RMND5A: variants seen among roughly 807,000 people sequenced by gnomAD.
The protein encoded by RMND5A is required for meiotic nuclear division 5 homolog A.
RMND5A carries 17 observed loss-of-function variants against 49.7 expected under a neutral mutation model. The observed-to-expected ratio is 0.34, with a 90% CI of 0.23 to 0.51. The LOEUF (loss-of-function observed/expected upper bound fraction) is 0.51. Ranked by LOEUF, RMND5A falls within the 20% of genes least tolerant of loss-of-function variation. RMND5A has a pLI of 0.96. For synonymous variants in RMND5A, 156 were observed against 167.7 expected (o/e 0.93, Z 0.54); for missense variants, 255 against 471.3 (o/e 0.54, Z 4.25).
At chr2:86,763,100 T>C (rs1422169839) in intron 4 of RMND5A, among the ~76,000 whole-genome samples, 1 of 152,156 alleles carries the variant, frequency 6.6e-6, no homozygotes, top group Non-Finnish European at 1.5e-5. Flanking sequence ...CACTATATCA[T>C]GAACATATTC....
intron 4 of RMND5A, among the ~76,000 whole-genome samples, chr2:86,763,113 A>G (rs1225191297): frequency 1.3e-5 from 2 of 152,176 alleles, no homozygotes; most frequent in African/African-American, 2.4e-5. Flanking sequence ...ACATATTCCT[A>G]TGAAAATGAG....
intron 3 of RMND5A, 78 bp downstream of exon 3, chr2:86,752,108 G>C (rs1681646065): frequency 7.4e-7 from 1 of 1,360,082 alleles, no homozygotes; most frequent in Non-Finnish European, 1.0e-6. Flanking sequence ...GCAGGGTGGG[G>C]TTTTGAGTCT....
chr2:86,777,371 G>T lies in RMND5A; in HGVS notation c.*3960G>T, dbSNP rs1295047882. Reference sequence around the variant, plus strand: ...TTTTTGGGAAGGGGCGGGAATGAATGTGTTGGGGCTGGGAGGGAAGCAGAA... The same window carrying T: ...TTTTTGGGAAGGGGCGGGAATGAATTTGTTGGGGCTGGGAGGGAAGCAGAA... On this transcript the variant is annotated 3_prime_UTR_variant, in exon 9 of 9. Coordinates refer to ENST00000283632, the MANE Select transcript of RMND5A (RefSeq NM_022780.4). 6.6e-6 allele frequency: 1 copy of T among 152,216 alleles called. No individual in the cohort carries two copies. The highest frequency in any genetic ancestry group is 1.5e-5 in the Non-Finnish European group (1 of 68,052). 9.4% of individuals were successfully genotyped at this position (152,216 alleles called of 1,614,324 possible).
chr2:86,746,647 G>T (rs1681542105), intron 2 of RMND5A, among the ~76,000 whole-genome samples: 1 of 152,228 alleles, frequency 6.6e-6, no homozygotes, highest in African/African-American at 2.4e-5. Context: ...CATCTCTAGT[G>T]CCCTGAGGGC....
intron 7 of RMND5A, 46 bp downstream of exon 7, chr2:86,770,171 A>G: frequency 8.1e-7 from 1 of 1,227,172 alleles, no homozygotes; most frequent in Non-Finnish European, 1.2e-6. Context: ...TGCCATTAGA[A>G]GAATATGGCA....
chr2:86,776,751 A>G lies in RMND5A; in HGVS notation c.*3340A>G, dbSNP rs915303022. The G allele has an allele frequency of 6.6e-6, 1 of 152,226 alleles. No individual in the cohort carries two copies. The highest frequency in any genetic ancestry group is 1.5e-5 in the Non-Finnish European group (1 of 68,050). 9.4% of individuals were successfully genotyped at this position (152,226 alleles called of 1,614,324 possible). ...CAGCCGACTCAGGTTATTTTCAGGG[A>G]AGGCATGGAGGCATAGTTTGGTTAG... is the stretch of plus-strand genomic sequence containing the variant. On this transcript the variant is annotated 3_prime_UTR_variant, in exon 9 of 9. Transcript: ENST00000283632.
At chr2:86,735,103 G>A (rs1382859583) in intron 1 of RMND5A, among the ~76,000 whole-genome samples, 1 of 152,100 alleles carries the variant, frequency 6.6e-6, no homozygotes, top group Non-Finnish European at 1.5e-5. Flanking sequence ...TTAATGACTG[G>A]ATAATCCATT....
chr2:86,768,388 A>G (rs1672634901), intron 6 of RMND5A, among the ~76,000 whole-genome samples: 1 of 152,172 alleles, frequency 6.6e-6, no homozygotes, highest in African/African-American at 2.4e-5. Context: ...GCTCCATCCT[A>G]GCGTAGGAGT....
At chr2:86,759,882 T>C (rs1485522934) in intron 4 of RMND5A, among the ~76,000 whole-genome samples, 3 of 152,124 alleles carry the variant, frequency 2.0e-5, no homozygotes, top group African/African-American at 7.2e-5. Flanking sequence ...CGAATTTCGT[T>C]TTCTTTGTAA....
rs1009761079 is a variant in RMND5A, at chr2:86,774,538, T to A, written c.*1127T>A. 6 of 152,686 alleles carry A rather than the reference T, an allele frequency of 3.9e-5. No individual in the cohort carries two copies. Among genetic ancestry groups the A allele is most frequent in the Non-Finnish European group, 8.8e-5 (6 of 68,048 alleles). The allele number at this position is 152,686 out of a possible 1,614,324, so 9.5% of individuals were successfully genotyped here. ...TTATTCTGATGGATACAGATAATGA[T>A]CTTTTCTCTTGTGAGGTATCTTCAT... is the stretch of plus-strand genomic sequence containing the variant. On this transcript the variant is annotated 3_prime_UTR_variant, in exon 9 of 9. Transcript: ENST00000283632.
chr2:86,754,149 A>G (rs949792255), intron 4 of RMND5A, among the ~76,000 whole-genome samples: 5 of 152,256 alleles, frequency 3.3e-5, no homozygotes, highest in Non-Finnish European at 4.4e-5. Context: ...GAAATATTTT[A>G]GGCTTTTCAT....
chr2:86,767,472 A>G (rs1183154737), intron 6 of RMND5A, among the ~76,000 whole-genome samples: 4 of 144,750 alleles, frequency 2.8e-5, no homozygotes, highest in Non-Finnish European at 4.5e-5. Context: ...TTTTTAAGAC[A>G]TTCTTGCTAT....
intron 2 of RMND5A, 122 bp from the exon 3 acceptor site, chr2:86,751,774 C>A: frequency 1.3e-6 from 1 of 784,022 alleles, no homozygotes; most frequent in Admixed American, 3.1e-5. Flanking sequence ...TCCTTTGGGA[C>A]GCTATAAATT....
intron 3 of RMND5A, among the ~76,000 whole-genome samples, chr2:86,752,341 G>T (rs994951391): frequency 3.3e-5 from 5 of 152,164 alleles, no homozygotes; most frequent in African/African-American, 4.8e-5. Flanking sequence ...GATATAGAAG[G>T]TTAGTATAGC....
At chr2:86,757,565 A>G (rs1383854243) in intron 4 of RMND5A, among the ~76,000 whole-genome samples, 2 of 152,182 alleles carry the variant, frequency 1.3e-5, no homozygotes, top group Admixed American at 6.6e-5. Context: ...TAGTAACTTA[A>G]TACAACGAGG....
chr2:86,764,651 T>G (rs1237917098), intron 4 of RMND5A, among the ~76,000 whole-genome samples: 2 of 152,220 alleles, frequency 1.3e-5, no homozygotes, highest in African/African-American at 4.8e-5. Flanking sequence ...GGATCTTTGA[T>G]TCATGCTTGT....
At chr2:86,758,919 A>C (rs924878722) in intron 4 of RMND5A, among the ~76,000 whole-genome samples, 2 of 152,192 alleles carry the variant, frequency 1.3e-5, no homozygotes, top group Admixed American at 1.3e-4. Flanking sequence ...AGGACATTTC[A>C]CCAGGTCCAC....
chr2:86,770,218 A>C (rs1409895158), intron 7 of RMND5A, 93 bp downstream of exon 7: 7 of 907,122 alleles, frequency 7.7e-6, no homozygotes. Flanking sequence ...ACCAGGAAAC[A>C]TTGTAGCCAT....
In RMND5A at chr2:86,769,928, C is replaced by G. The variant is rs553176850; in HGVS notation, c.855-95C>G. 3.2e-5 allele frequency: 26 copies of G among 822,572 alleles called. No homozygotes were observed. In the Admixed American group the frequency reaches 3.6e-4, roughly 11 times the overall value. 51.0% of individuals were successfully genotyped at this position (822,572 alleles called of 1,614,324 possible). Reference sequence around the variant, plus strand: ...TCTCACCCTGTCCAGTGGCCAGGGTCTGCAGCACATAGAGTCTGGAGAAAT... The same window carrying G: ...TCTCACCCTGTCCAGTGGCCAGGGTGTGCAGCACATAGAGTCTGGAGAAAT... On this transcript the variant is annotated intron_variant, in intron 6 of 8. Transcript: ENST00000283632.
Sources: gnomAD v4.1 joint callset for allele counts (sites outside exome capture counted in the v4.1 genomes callset) on GRCh38, gnomAD v4.1.1 for gene constraint, MANE v1.5 for transcripts, NCBI Gene and HGNC (gene_info 2026-07-23, HGNC 2026-07-21) for gene names.